Variants in DGKB observed in about 807,000 individuals in gnomAD.
The protein encoded by DGKB is diacylglycerol kinase beta.
A neutral mutation model predicts 114.3 loss-of-function variants in DGKB; 67 were observed. The ratio of observed to expected loss-of-function variants is 0.59; its 90% CI spans 0.48 to 0.72. The LOEUF (loss-of-function observed/expected upper bound fraction) is 0.72. DGKB is among the 30% of genes least tolerant of loss of function. The pLI, the probability that DGKB is intolerant of heterozygous loss-of-function variation, is 0.00. For missense variants in DGKB, 907 were observed against 975.2 expected (o/e 0.93, Z 0.93); for synonymous variants, 398 against 323.1 (o/e 1.23, Z -2.49).
At chr7:14,714,544 G>T (rs539141572) in intron 6 of DGKB, among the ~76,000 whole-genome samples, 328 of 152,124 alleles carry the variant, frequency 2.2e-3, no homozygotes, top group Middle Eastern at 6.8e-3. Context: ...AGTTGATAAG[G>T]TTTTAAGTAA....
At chr7:14,341,476 T>A (rs967422799) in intron 22 of DGKB, among the ~76,000 whole-genome samples, 3 of 151,852 alleles carry the variant, frequency 2.0e-5, no homozygotes, top group Non-Finnish European at 4.4e-5. Flanking sequence ...AAAAGGTAGC[T>A]ACAGAGGAAA....
intron 21 of DGKB, among the ~76,000 whole-genome samples, chr7:14,371,509 AGTTTT>A (rs1817643093): frequency 6.6e-6 from 1 of 151,958 alleles, no homozygotes; most frequent in Non-Finnish European, 1.5e-5. Flanking sequence ...CTTGTTAAAT[AGTTTT>A]GTTTTTTACT....
At chr7:14,962,791 A>C (rs36915) in intron 1 of DGKB, among the ~76,000 whole-genome samples, 49,376 of 151,950 alleles carry the variant, frequency 0.32, 8,240 homozygotes, top group African/African-American at 0.36. Context: ...TATTTTCATT[A>C]AACATACAAT....
chr7:14,826,012 C>A (rs1845660560), intron 2 of DGKB, among the ~76,000 whole-genome samples: 1 of 152,152 alleles, frequency 6.6e-6, no homozygotes, highest in African/African-American at 2.4e-5. Context: ...ATTATAACTT[C>A]AGCATTTCTC....
chr7:14,645,812 GA>G (rs1812869426), intron 13 of DGKB, among the ~76,000 whole-genome samples: 1 of 152,012 alleles, frequency 6.6e-6, no homozygotes, highest in South Asian at 2.1e-4. Flanking sequence ...ATCATCACCA[GA>G]CTGGATATAC....
intron 20 of DGKB, among the ~76,000 whole-genome samples, chr7:14,525,937 A>C (rs1790570423): frequency 6.6e-6 from 1 of 152,188 alleles, no homozygotes; most frequent in Admixed American, 6.6e-5. Flanking sequence ...TTAAGTCAGT[A>C]ATGATTTAGT....
At chr7:14,273,245 C>T (rs1798521633) in intron 23 of DGKB, among the ~76,000 whole-genome samples, 1 of 152,036 alleles carries the variant, frequency 6.6e-6, no homozygotes, top group Admixed American at 6.6e-5. Context: ...ACTCAGGAGG[C>T]TGAGGTGGGA....
intron 23 of DGKB, among the ~76,000 whole-genome samples, chr7:14,195,611 G>A (rs10252500): frequency 0.21 from 31,266 of 152,074 alleles, 3,689 homozygotes; most frequent in East Asian, 0.36. Flanking sequence ...ATTTTCTTGA[G>A]ATATATTATA....
intron 1 of DGKB, among the ~76,000 whole-genome samples, chr7:14,890,035 A>G (rs1026700409): frequency 5.3e-5 from 8 of 151,582 alleles, no homozygotes; most frequent in Admixed American, 2.0e-4. Flanking sequence ...GTCAGAATTT[A>G]CCTAATCATA....
intron 5 of DGKB, among the ~76,000 whole-genome samples, chr7:14,731,437 C>A (rs1402242471): frequency 6.6e-6 from 1 of 151,912 alleles, no homozygotes; most frequent in Non-Finnish European, 1.5e-5. Context: ...TTTAGATAAA[C>A]TTTAAAAAGT....
chr7:14,738,646 T>C (rs1031709133), intron 4 of DGKB, among the ~76,000 whole-genome samples: 44 of 152,260 alleles, frequency 2.9e-4, no homozygotes, highest in African/African-American at 1.1e-3. Flanking sequence ...TAAAAATTCA[T>C]AATTTGAAAC....
At chr7:14,422,897 C>T (rs2128767991) in intron 21 of DGKB, among the ~76,000 whole-genome samples, 1 of 152,064 alleles carries the variant, frequency 6.6e-6, no homozygotes, top group South Asian at 2.1e-4. Context: ...CGGTTAAGTT[C>T]TTTACATACA....
At chr7:14,909,624 A>G (rs1200831591) in intron 1 of DGKB, among the ~76,000 whole-genome samples, 1 of 152,206 alleles carries the variant, frequency 6.6e-6, no homozygotes, top group East Asian at 1.9e-4. Flanking sequence ...ATCACATGTC[A>G]GATTGCAAAA....
intron 1 of DGKB, among the ~76,000 whole-genome samples, chr7:14,887,674 A>G (rs1298961673): frequency 1.3e-5 from 2 of 151,804 alleles, no homozygotes; most frequent in Non-Finnish European, 2.9e-5. Flanking sequence ...ATAGCACATT[A>G]ATTAAAACAG....
intron 5 of DGKB, among the ~76,000 whole-genome samples, chr7:14,730,845 A>C (rs1830803067): frequency 6.6e-6 from 1 of 152,178 alleles, no homozygotes. Context: ...TGAGGATTTA[A>C]GTTTGCTTGA....
At chr7:14,576,664 C>T (rs1179159034) in intron 19 of DGKB, among the ~76,000 whole-genome samples, 1 of 152,116 alleles carries the variant, frequency 6.6e-6, no homozygotes, top group Non-Finnish European at 1.5e-5. Flanking sequence ...AGGTTAATAG[C>T]AGCACCGTCC....
chr7:14,933,972 C>T (rs1251073680), intron 1 of DGKB, among the ~76,000 whole-genome samples: 1 of 152,046 alleles, frequency 6.6e-6, no homozygotes, highest in Non-Finnish European at 1.5e-5. Flanking sequence ...CTCTGAAATC[C>T]ACCCATTGAG....
At chr7:14,182,003 T>A (rs1347932347) in intron 23 of DGKB, among the ~76,000 whole-genome samples, 1 of 152,154 alleles carries the variant, frequency 6.6e-6, no homozygotes. Context: ...TGAATCTGAA[T>A]AGGAAAAATG....
At chr7:14,379,335 G>A (rs1189896168) in intron 21 of DGKB, among the ~76,000 whole-genome samples, 2 of 151,256 alleles carry the variant, frequency 1.3e-5, no homozygotes, top group South Asian at 2.1e-4. Flanking sequence ...TCCAGTTCAC[G>A]CACCACTGCT....
Sources: gnomAD v4.1 joint callset for allele counts (sites outside exome capture counted in the v4.1 genomes callset) on GRCh38, gnomAD v4.1.1 for gene constraint, MANE v1.5 for transcripts, NCBI Gene and HGNC (gene_info 2026-07-23, HGNC 2026-07-21) for gene names.